The following ADAMTSL1 variants were observed in gnomAD, a reference collection of about 807,000 sequenced individuals.
ADAMTSL1 encodes ADAMTS like 1.
Under a neutral mutation model 201.8 loss-of-function variants are expected in ADAMTSL1, and 126 were observed. The observed-to-expected ratio is 0.62, with a 90% CI of 0.54 to 0.72. The LOEUF is 0.72. Ranked by LOEUF, ADAMTSL1 falls within the 30% of genes least tolerant of loss-of-function variation. The pLI is 0.00. For synonymous variants in ADAMTSL1, 1,121 were observed against 903.4 expected (o/e 1.24, Z -4.32); for missense variants, 2,679 against 2,277.8 (o/e 1.18, Z -3.59).
intron 1 of ADAMTSL1, among the ~76,000 whole-genome samples, chr9:17,994,136 C>A (rs1408768055): frequency 1.3e-5 from 2 of 149,610 alleles, no homozygotes; most frequent in African/African-American, 5.0e-5. Flanking sequence ...ATATAGTCCA[C>A]AGGGGTGATC....
Position 18,252,670 on chromosome 9 carries a change from A to G in ADAMTSL1, c.207+88689A>G, listed in dbSNP as rs570694513. ...CACGGTTGATTGAGTCCACGGATAC[A>G]GAGCCCGCTGATAAGGGGGTGCTGA... On this transcript the variant is annotated intron_variant, in intron 2 of 29. Coordinates refer to the ADAMTSL1 transcript ENST00000680146. 1.9e-3 allele frequency among the ~76,000 whole-genome samples: 285 copies of G among 152,270 alleles called. 1 individual carries two copies. The highest frequency in any genetic ancestry group is 6.3e-3 in the African/African-American group (261 of 41,536).
intron 21 of ADAMTSL1, among the ~76,000 whole-genome samples, chr9:18,821,406 C>G (rs1045241164): frequency 6.6e-6 from 1 of 152,038 alleles, no homozygotes; most frequent in South Asian, 2.1e-4. Context: ...TCCTATCAAC[C>G]AGGAGAGGGG....
At chr9:18,293,433 C>T (rs1362186782) in intron 2 of ADAMTSL1, among the ~76,000 whole-genome samples, 1 of 152,184 alleles carries the variant, frequency 6.6e-6, no homozygotes, top group Non-Finnish European at 1.5e-5. Context: ...CTTCAAAAAT[C>T]ATATTAATTG....
chr9:17,935,127 A>G (rs1826952824), intron 1 of ADAMTSL1, among the ~76,000 whole-genome samples: 1 of 152,016 alleles, frequency 6.6e-6, no homozygotes, highest in South Asian at 2.1e-4. Flanking sequence ...CAGCCTTCAT[A>G]TTATTAATAT....
At position 18,817,159 on chromosome 9, in the gene ADAMTSL1, C is replaced by T. The variant is rs1270457555; in HGVS notation, c.3856C>T (p.Pro1286Ser). ...AATGACAGTGATCAACACGGAGAAG[C>T]CTGCAGTCACAGTCGATATAGGAAG... ...SRMTVINTEKPAVTVDIGSTI... is the reference protein window; with the variant it reads ...SRMTVINTEKSAVTVDIGSTI... The change falls in exon 21 of 29, where the codon CCT becomes TCT. Residue 1286 changes from proline to serine, a missense_variant. By Grantham distance (74) the Pro-to-Ser change is moderately conservative. Transcript: ENST00000380548. 1 of 1,598,612 alleles carries T rather than the reference C, an allele frequency of 6.3e-7. No homozygotes were observed. Among genetic ancestry groups the T allele is most frequent in the East Asian group, 2.2e-5 (1 of 44,480 alleles).
chr9:18,253,770 C>T (rs1831560245), intron 2 of ADAMTSL1, among the ~76,000 whole-genome samples: 2 of 152,034 alleles, frequency 1.3e-5, no homozygotes, highest in Admixed American at 1.3e-4. Flanking sequence ...AGGAGCAGCC[C>T]CATAATTTCC....
intron 1 of ADAMTSL1, among the ~76,000 whole-genome samples, chr9:18,486,792 A>G (rs961334985): frequency 6.6e-6 from 1 of 152,154 alleles, no homozygotes; most frequent in African/African-American, 2.4e-5. Flanking sequence ...ACAGGGAGTC[A>G]TTTTTGTACC....
At chr9:18,607,969 G>A (rs1825134551) in intron 4 of ADAMTSL1, among the ~76,000 whole-genome samples, 2 of 152,032 alleles carry the variant, frequency 1.3e-5, no homozygotes, top group South Asian at 2.1e-4. Flanking sequence ...TCTTAATCTA[G>A]TCTATCATTG....
chr9:18,075,775 C>T (rs551145806), intron 1 of ADAMTSL1, among the ~76,000 whole-genome samples: 3 of 152,308 alleles, frequency 2.0e-5, no homozygotes, highest in African/African-American at 7.2e-5. Flanking sequence ...AGTGCTGACC[C>T]AGGCTTTGGG....
chr9:18,089,573 C>A (rs922039178), intron 1 of ADAMTSL1, among the ~76,000 whole-genome samples: 6 of 152,050 alleles, frequency 3.9e-5, no homozygotes, highest in African/African-American at 7.2e-5. Flanking sequence ...ATGTAACAAA[C>A]CTGAATGTTC....
intron 13 of ADAMTSL1, among the ~76,000 whole-genome samples, chr9:18,690,816 G>A (rs1313762828): frequency 1.3e-5 from 2 of 152,104 alleles, no homozygotes; most frequent in Non-Finnish European, 2.9e-5. Flanking sequence ...CAGCAGCAAA[G>A]TGCTTAATAT....
chr9:18,431,401 G>A (rs993656591), intron 2 of ADAMTSL1, among the ~76,000 whole-genome samples: 1 of 152,156 alleles, frequency 6.6e-6, no homozygotes, highest in Non-Finnish European at 1.5e-5. Context: ...CTTAGACTAA[G>A]CTTGTACATA....
intron 1 of ADAMTSL1, among the ~76,000 whole-genome samples, chr9:17,928,095 G>C (rs567589166): frequency 3.4e-4 from 52 of 151,576 alleles, no homozygotes; most frequent in African/African-American, 1.0e-3. Context: ...CCTGGGCTCA[G>C]GTGATTCTCC....
intron 1 of ADAMTSL1, among the ~76,000 whole-genome samples, chr9:18,005,022 A>G (rs1819755350): frequency 6.6e-6 from 1 of 152,124 alleles, no homozygotes; most frequent in Non-Finnish European, 1.5e-5. Flanking sequence ...TTCTGACCTC[A>G]TGGAATTACT....
At chr9:18,016,862 C>G (rs538942664) in intron 1 of ADAMTSL1, among the ~76,000 whole-genome samples, 1 of 151,972 alleles carries the variant, frequency 6.6e-6, no homozygotes. Context: ...TGGAAGCTGG[C>G]TTTGTAGCAA....
chr9:18,126,070 C>G (rs960231057), intron 1 of ADAMTSL1, among the ~76,000 whole-genome samples: 1 of 152,192 alleles, frequency 6.6e-6, no homozygotes, highest in African/African-American at 2.4e-5. Flanking sequence ...ACACATCACT[C>G]ACATTCAGAA....
At chr9:18,389,587 A>G (rs888840402) in intron 2 of ADAMTSL1, among the ~76,000 whole-genome samples, 1 of 152,172 alleles carries the variant, frequency 6.6e-6, no homozygotes, top group African/African-American at 2.4e-5. Flanking sequence ...CTCTTGTGTC[A>G]TAGATCCTAA....
At chr9:18,053,181 C>A (rs1294312386) in intron 1 of ADAMTSL1, among the ~76,000 whole-genome samples, 1 of 152,140 alleles carries the variant, frequency 6.6e-6, no homozygotes, top group Admixed American at 6.5e-5. Context: ...GGTTGGACTT[C>A]ATGGAGAAGG....
intron 15 of ADAMTSL1, among the ~76,000 whole-genome samples, chr9:18,740,595 C>G (rs526287): frequency 0.83 from 125,010 of 151,188 alleles, 51,796 homozygotes; most frequent in Non-Finnish European, 0.85. Context: ...TCCTGCCTCG[C>G]CCTCCCAGGT....
Sources: gnomAD v4.1 joint callset for allele counts (sites outside exome capture counted in the v4.1 genomes callset) on GRCh38, gnomAD v4.1.1 for gene constraint, MANE v1.5 for transcripts, NCBI Gene and HGNC (gene_info 2026-07-23, HGNC 2026-07-21) for gene names.